The following IMPG1 variants were observed in gnomAD, a reference collection of about 807,000 sequenced individuals.
IMPG1 encodes the protein interphotoreceptor matrix proteoglycan 1, also known as interphotoreceptor matrix proteoglycan of 150 kDa.
Under a neutral mutation model 92.0 loss-of-function variants are expected in IMPG1, and 85 were observed. The ratio of observed to expected loss-of-function variants is 0.92; its 90% CI spans 0.78 to 1.11. The LOEUF is 1.11. Ranked by LOEUF, IMPG1 falls within the 50% of genes least tolerant of loss-of-function variation. The pLI, the probability that IMPG1 is intolerant of heterozygous loss-of-function variation, is 0.00. For missense variants in IMPG1, 1,022 were observed against 956.0 expected (o/e 1.07, Z -0.91); for synonymous variants, 367 against 334.1 (o/e 1.10, Z -1.08).
chr6:76,003,875 T>C lies in IMPG1; in HGVS notation c.1211A>G (p.Glu404Gly). 6.2e-7 allele frequency: 1 copy of C among 1,609,908 alleles called. No individual in the cohort carries two copies. The highest frequency in any genetic ancestry group is 1.1e-5 in the South Asian group (1 of 90,398). ...AGAACAAAAGGACAACAAACTTACCTCTGTTATAACAGCAAAAGATGTGGG... is the reference window on the plus strand; with the variant it reads ...AGAACAAAAGGACAACAAACTTACCCCTGTTATAACAGCAAAAGATGTGGG... ...ELPTSFAVIT[E>G]DATLSPELPP... is the part of the protein sequence containing the mutation. The change falls in exon 11 of 17, where the codon GAG becomes GGG. Residue 404 changes from glutamate to glycine, a missense_variant and splice_region_variant. Physicochemically the swap from Glu to Gly is moderately conservative, Grantham distance 98 (BLOSUM62 -2). Around this residue, in one of 3 missense-constraint regions of IMPG1, gnomAD observed 681 missense variants for 583.6 expected, o/e 1.17. Transcript: ENST00000369950.
intron 14 of IMPG1, among the ~76,000 whole-genome samples, chr6:75,939,146 A>G (rs1221756879): frequency 2.0e-5 from 3 of 152,092 alleles, no homozygotes; most frequent in East Asian, 3.9e-4. Context: ...GCCTTCACTA[A>G]ACTTAAGACA....
intron 2 of IMPG1, among the ~76,000 whole-genome samples, chr6:76,038,724 C>T (rs1325771520): frequency 6.6e-6 from 1 of 152,216 alleles, no homozygotes; most frequent in Non-Finnish European, 1.5e-5. Context: ...ACCTTGGCCT[C>T]ACTCCCACCC....
chr6:75,923,501 C>T (rs1781466714), intron 16 of IMPG1, 133 bp downstream of exon 16: 1 of 638,928 alleles, frequency 1.6e-6, no homozygotes, highest in Admixed American at 2.9e-5. Context: ...AATGTCACCC[C>T]CTTAAAACAG....
At chr6:76,048,135 G>A (rs1417114751) in intron 1 of IMPG1, among the ~76,000 whole-genome samples, 2 of 152,166 alleles carry the variant, frequency 1.3e-5, no homozygotes, top group Non-Finnish European at 2.9e-5. Context: ...GTACTTGACA[G>A]GCAAAGCCAT....
At chr6:76,046,880 A>G (rs1233929491) in intron 1 of IMPG1, among the ~76,000 whole-genome samples, 2 of 152,192 alleles carry the variant, frequency 1.3e-5, no homozygotes, top group Non-Finnish European at 2.9e-5. Flanking sequence ...AGATCTCTAA[A>G]GCTTTATTCA....
chr6:75,961,002 C>A (rs532057151), intron 12 of IMPG1, among the ~76,000 whole-genome samples: 14 of 152,256 alleles, frequency 9.2e-5, no homozygotes, highest in African/African-American at 2.6e-4. Context: ...AAAGGCAAGG[C>A]CACAAATGAT....
chr6:75,974,330 C>CCTCTCTTTCTTTCTTT (rs1426856034), intron 12 of IMPG1, among the ~76,000 whole-genome samples: 3 of 98,212 alleles, frequency 3.1e-5, no homozygotes, highest in African/African-American at 1.2e-4. Context: ...TCTTTCTTTC[C>CCTCTCTTTCTTTCTTT]CTTTCTTTCT....
intron 12 of IMPG1, among the ~76,000 whole-genome samples, chr6:75,974,404 C>CTTT (rs1562354924): frequency 1.9e-5 from 2 of 107,970 alleles, no homozygotes; most frequent in Non-Finnish European, 3.8e-5. Context: ...TTCTTTCTTT[C>CTTT]CTTCCTTCCT....
intron 2 of IMPG1, among the ~76,000 whole-genome samples, chr6:76,039,492 A>G (rs1354624975): frequency 6.6e-6 from 1 of 151,610 alleles, no homozygotes; most frequent in African/African-American, 2.4e-5. Context: ...AGTTGCTGGG[A>G]TTACAGGCGT....
At chr6:76,019,683 T>C (rs1486346644) in intron 6 of IMPG1, among the ~76,000 whole-genome samples, 2 of 152,204 alleles carry the variant, frequency 1.3e-5, no homozygotes, top group Non-Finnish European at 1.5e-5. Flanking sequence ...CTTTCATTCA[T>C]TCAAAAAAAC....
intron 2 of IMPG1, 130 bp downstream of exon 2, chr6:76,041,762 TA>T: frequency 1.6e-6 from 1 of 641,758 alleles, no homozygotes; most frequent in Non-Finnish European, 2.8e-6. Context: ...AGATTATCAC[TA>T]GGTTGATTTT....
chr6:76,012,920 A>T (rs892777133), intron 7 of IMPG1, among the ~76,000 whole-genome samples: 2 of 152,102 alleles, frequency 1.3e-5, no homozygotes, highest in African/African-American at 4.8e-5. Context: ...AAAGCGCAGC[A>T]TCCCTAGATA....
Position 76,005,501 on chromosome 6 carries a change from G to A in IMPG1, c.921C>T (p.Ile307=), listed in dbSNP as rs1783080167. ...SSSTEMQLTA[I]FKRHSAEAKS... ...TTGCTTCTGCACTGTGTCTCTTAAA[G>A]ATGGCCGTAAGTTGCATCTCTGTGG... Residue 307 remains isoleucine, a synonymous_variant, in exon 10 of 17, where the codon ATC becomes ATT. Coordinates refer to ENST00000369950, the MANE Select transcript of IMPG1 (RefSeq NM_001563.4). 6.2e-7 allele frequency: 1 copy of A among 1,613,852 alleles called. No homozygotes were observed. The highest frequency in any genetic ancestry group is 8.5e-7 in the Non-Finnish European group (1 of 1,179,948).
chr6:76,020,941 A>G (rs1434077677), intron 6 of IMPG1, among the ~76,000 whole-genome samples: 3 of 152,234 alleles, frequency 2.0e-5, no homozygotes, highest in African/African-American at 7.2e-5. Context: ...ATGGCCATGC[A>G]AAGTCATCCT....
rs578152113 is a variant in IMPG1, at chr6:76,024,434, A to G, written c.562+760T>C. ...TGGGAAGACTGCAATAGAAATATACATGAAAGAGAAATTTCAAACATCTAA... is the reference window on the plus strand; with the variant it reads ...TGGGAAGACTGCAATAGAAATATACGTGAAAGAGAAATTTCAAACATCTAA... On this transcript the variant is annotated intron_variant, in intron 5 of 16. Coordinates refer to ENST00000369950, the MANE Select transcript of IMPG1 (RefSeq NM_001563.4). 4.6e-5 allele frequency among the ~76,000 whole-genome samples: 7 copies of G among 152,274 alleles called. No individual in the cohort carries two copies. The South Asian group carries it at 1.2e-3, about 27-fold the overall frequency.
At chr6:75,954,659 T>C (rs1234904303) in intron 12 of IMPG1, among the ~76,000 whole-genome samples, 2 of 152,186 alleles carry the variant, frequency 1.3e-5, no homozygotes, top group African/African-American at 4.8e-5. Flanking sequence ...TGCGATTGCT[T>C]TGGGTGAATT....
intron 1 of IMPG1, among the ~76,000 whole-genome samples, chr6:76,043,089 CT>C (rs1351472468): frequency 6.6e-6 from 1 of 151,814 alleles, no homozygotes; most frequent in Non-Finnish European, 1.5e-5. Context: ...TGATGTTGGG[CT>C]TGGGAGAAAG....
intron 7 of IMPG1, among the ~76,000 whole-genome samples, chr6:76,014,286 G>A (rs1028146568): frequency 9.2e-5 from 14 of 152,170 alleles, no homozygotes; most frequent in African/African-American, 2.4e-4. Context: ...GTGAGCACAC[G>A]GCATGGAGCC....
chr6:76,048,418 C>T (rs1282976523), intron 1 of IMPG1, among the ~76,000 whole-genome samples: 1 of 152,164 alleles, frequency 6.6e-6, no homozygotes, highest in African/African-American at 2.4e-5. Context: ...AAGAGAACTT[C>T]CCAAGCATCC....
Sources: gnomAD v4.1 joint callset for allele counts (sites outside exome capture counted in the v4.1 genomes callset) on GRCh38, gnomAD v4.1.1 for gene constraint, gnomAD v4.1.1 regional missense constraint, MANE v1.5 for transcripts, NCBI Gene and HGNC (gene_info 2026-07-23, HGNC 2026-07-21) for gene names.